Variants in SNRPD3 observed in about 807,000 individuals in gnomAD.
SNRPD3 encodes the protein small nuclear ribonucleoprotein Sm D3.
For synonymous variants in SNRPD3, 66 were observed against 58.4 expected (o/e 1.13, Z -0.59); for missense variants, 73 against 167.5 (o/e 0.44, Z 3.11).
intron 2 of SNRPD3, among the ~76,000 whole-genome samples, chr22:24,563,250 GTATGTATGTATA>G (rs1313800144): frequency 4.0e-4 from 54 of 135,282 alleles, no homozygotes; most frequent in Non-Finnish European, 7.1e-4. Context: ...GTGTATGTGT[GTATGTATGTATA>G]TATGTATGTA....
In SNRPD3 at chr22:24,573,474, T is replaced by C. The variant is rs919645403; in HGVS notation, c.*1497T>C. Among the ~76,000 whole-genome samples, 3 of 152,176 alleles carry C rather than the reference T, an allele frequency of 2.0e-5. No individual in the cohort carries two copies. Among genetic ancestry groups the C allele is most frequent in the African/African-American group, 4.8e-5 (2 of 41,434 alleles). On this transcript the variant is annotated 3_prime_UTR_variant, in exon 4 of 4. Transcript: ENST00000215829. Reference sequence around the variant, plus strand: ...GCACATTAGTTAACCTGGCATCAATTAATGAGGTTCTAATAAGCTTTGTCT... The same window carrying C: ...GCACATTAGTTAACCTGGCATCAATCAATGAGGTTCTAATAAGCTTTGTCT...
At chr22:24,556,152 C>G in intron 1 of SNRPD3, 81 bp downstream of exon 1, 1 of 456,346 alleles carries the variant, frequency 2.2e-6, no homozygotes, top group Non-Finnish European at 4.0e-6. Flanking sequence ...GCATGGAACT[C>G]TGCGGGGCTC....
At chr22:24,566,241 T>C (rs2045195619) in intron 2 of SNRPD3, among the ~76,000 whole-genome samples, 1 of 152,144 alleles carries the variant, frequency 6.6e-6, no homozygotes, top group Non-Finnish European at 1.5e-5. Flanking sequence ...TAGAAACTGC[T>C]CATATACAAC....
chr22:24,571,623 C>T (rs1335656898), intron 3 of SNRPD3, among the ~76,000 whole-genome samples: 1 of 151,964 alleles, frequency 6.6e-6, no homozygotes, highest in East Asian at 1.9e-4. Context: ...GGCTGTAGTC[C>T]CAGCTACTCA....
intron 2 of SNRPD3, among the ~76,000 whole-genome samples, chr22:24,566,984 A>G (rs1230271115): frequency 6.6e-6 from 1 of 152,230 alleles, no homozygotes; most frequent in Non-Finnish European, 1.5e-5. Flanking sequence ...CAGTGTCATT[A>G]TTCGACTGCT....
At chr22:24,564,883 CA>C (rs371261388) in intron 2 of SNRPD3, among the ~76,000 whole-genome samples, 1,308 of 127,138 alleles carry the variant, frequency 0.01, 94 homozygotes, top group South Asian at 0.017. Flanking sequence ...TTGCCTTGTT[CA>C]TTTTTTTTTT....
At chr22:24,558,085 TTCCTTCAGTAGAA>T in intron 2 of SNRPD3, 1 of 236,232 alleles carries the variant, frequency 4.2e-6, no homozygotes, top group Non-Finnish European at 8.2e-6. Context: ...GAAGTGCTAC[TTCCTTCAGTAGAA>T]TCCTTCAGAT....
intron 3 of SNRPD3, among the ~76,000 whole-genome samples, chr22:24,569,105 C>T (rs2045225471): frequency 6.6e-6 from 1 of 152,142 alleles, no homozygotes; most frequent in South Asian, 2.1e-4. Context: ...GATGAGCTGA[C>T]TCGAGTGTGA....
intron 2 of SNRPD3, among the ~76,000 whole-genome samples, chr22:24,558,264 A>G (rs143446139): frequency 2.0e-5 from 3 of 152,372 alleles, no homozygotes; most frequent in African/African-American, 7.2e-5. Context: ...CTTGTCATCC[A>G]TAAAATAGGG....
At chr22:24,570,659 G>C (rs1457932279) in intron 3 of SNRPD3, among the ~76,000 whole-genome samples, 1 of 151,898 alleles carries the variant, frequency 6.6e-6, no homozygotes, top group Non-Finnish European at 1.5e-5. Context: ...CTCCAGCCTA[G>C]GTGACAGAGC....
At chr22:24,560,119 C>CCTTGGTCTGTCACCCAGGCTGCAGT (rs2045119352) in intron 2 of SNRPD3, among the ~76,000 whole-genome samples, 1 of 100,228 alleles carries the variant, frequency 1.0e-5, no homozygotes, top group Admixed American at 1.2e-4. Flanking sequence ...TGAGATGGAG[C>CCTTGGTCTGTCACCCAGGCTGCAGT]CTTGCTCTGT....
intron 1 of SNRPD3, among the ~76,000 whole-genome samples, chr22:24,557,083 G>A (rs2045080212): frequency 1.3e-5 from 2 of 152,164 alleles, no homozygotes; most frequent in Admixed American, 6.5e-5. Context: ...CCTTCCATAG[G>A]GTAGCCACTA....
In SNRPD3 at chr22:24,574,861, T is replaced by C. The variant is rs2045277133; in HGVS notation, c.*2884T>C. Among the ~76,000 whole-genome samples the C allele has an allele frequency of 1.3e-5, 2 of 152,154 alleles. No homozygotes were observed. Among genetic ancestry groups the C allele is most frequent in the Non-Finnish European group, 2.9e-5 (2 of 68,026 alleles). On this transcript the variant is annotated 3_prime_UTR_variant, in exon 4 of 4. Coordinates refer to ENST00000215829, the MANE Select transcript of SNRPD3 (RefSeq NM_004175.5). ...CATTATCTTTTGAATCCTCTCTTCCTCCTGCCCACCATGAATTTACTTCCT... is the reference window on the plus strand; with the variant it reads ...CATTATCTTTTGAATCCTCTCTTCCCCCTGCCCACCATGAATTTACTTCCT...
At chr22:24,566,112 A>G (rs1031253964) in intron 2 of SNRPD3, among the ~76,000 whole-genome samples, 2 of 152,118 alleles carry the variant, frequency 1.3e-5, no homozygotes, top group South Asian at 2.1e-4. Context: ...ACTGGATGAA[A>G]ATTTAATAAC....
In SNRPD3 at chr22:24,574,131, T is replaced by C. The variant is rs1362901265; in HGVS notation, c.*2154T>C. Among the ~76,000 whole-genome samples, 2 of 152,186 alleles carry C rather than the reference T, an allele frequency of 1.3e-5. No individual in the cohort carries two copies. The highest frequency in any genetic ancestry group is 2.9e-5 in the Non-Finnish European group (2 of 68,032). On this transcript the variant is annotated 3_prime_UTR_variant, in exon 4 of 4. Coordinates refer to ENST00000215829, the MANE Select transcript of SNRPD3 (RefSeq NM_004175.5). ...TCATACTTTTACAGTAAACAGTACTTACTTTGAATAATAACACATTACACT... is the reference window on the plus strand; with the variant it reads ...TCATACTTTTACAGTAAACAGTACTCACTTTGAATAATAACACATTACACT...
chr22:24,573,330 A>G lies in SNRPD3; in HGVS notation c.*1353A>G, dbSNP rs770956903. On this transcript the variant is annotated 3_prime_UTR_variant, in exon 4 of 4. Transcript: ENST00000215829. ...CAAAAAGAGGTCTTGCCAGGTATTC[A>G]TTATGGTATGAGCTACAGCATAAGC... Among the ~76,000 whole-genome samples, 1 of 152,256 alleles carries G rather than the reference A, an allele frequency of 6.6e-6. No individual in the cohort carries two copies. The highest frequency in any genetic ancestry group is 1.5e-5 in the Non-Finnish European group (1 of 68,038).
chr22:24,555,944 G>C, upstream of SNRPD3: 2 of 1,070,058 alleles, frequency 1.9e-6, no homozygotes, highest in South Asian at 3.0e-5. Flanking sequence ...GGAAGGAGGC[G>C]GGCCCTGCGC....
rs1434486680 is a variant in SNRPD3 at position 24,574,446 on chromosome 22, T to C, written c.*2469T>C. ...CTCCTACCCTGCCTTTACCCCACTT[T>C]CCTTGCCTCACAGTAGTCTGTCCAA... is the stretch of plus-strand genomic sequence containing the variant. On this transcript the variant is annotated 3_prime_UTR_variant, in exon 4 of 4. Coordinates refer to ENST00000215829, the MANE Select transcript of SNRPD3 (RefSeq NM_004175.5). Among the ~76,000 whole-genome samples the C allele has an allele frequency of 6.6e-6, 1 of 152,248 alleles. No homozygotes were observed. The highest frequency in any genetic ancestry group is 1.5e-5 in the Non-Finnish European group (1 of 68,042).
intron 3 of SNRPD3, among the ~76,000 whole-genome samples, chr22:24,568,835 G>A (rs767461740): frequency 6.6e-5 from 10 of 152,076 alleles, no homozygotes; most frequent in African/African-American, 2.4e-4. Context: ...GATTACAGGC[G>A]TGAGCCACTG....
Sources: gnomAD v4.1 joint callset for allele counts (sites outside exome capture counted in the v4.1 genomes callset) on GRCh38, gnomAD v4.1.1 for gene constraint, MANE v1.5 for transcripts, NCBI Gene and HGNC (gene_info 2026-07-23, HGNC 2026-07-21) for gene names.